Variants in LDLRAD3 observed in about 807,000 individuals in gnomAD.
LDLRAD3 encodes the protein low-density lipoprotein receptor class A domain-containing protein 3.
LDLRAD3 carries 20 observed loss-of-function variants against 29.4 expected under a neutral mutation model. The observed-to-expected ratio is 0.68, with a 90% CI of 0.48 to 0.99. LDLRAD3 has a LOEUF of 0.99. LDLRAD3 is among the 50% of genes least tolerant of loss of function. The probability of loss-of-function intolerance (pLI) is 0.00; values close to 1 mark genes in which losing one functional copy is unlikely to be tolerated. For synonymous variants in LDLRAD3, 157 were observed against 192.7 expected (o/e 0.81, Z 1.53); for missense variants, 420 against 454.3 (o/e 0.92, Z 0.69).
intron 4 of LDLRAD3, among the ~76,000 whole-genome samples, chr11:36,154,866 C>G (rs967241337): frequency 3.9e-5 from 6 of 152,180 alleles, no homozygotes; most frequent in Non-Finnish European, 8.8e-5. Context: ...CTCCCCTGGC[C>G]TCTACCACAA....
At chr11:36,145,578 G>A (rs1337043577) in intron 4 of LDLRAD3, among the ~76,000 whole-genome samples, 1 of 151,912 alleles carries the variant, frequency 6.6e-6, no homozygotes, top group East Asian at 2.0e-4. Flanking sequence ...GGAAAAGTGG[G>A]GAAAAGATTG....
At chr11:35,986,265 T>G (rs2133162222) in intron 1 of LDLRAD3, among the ~76,000 whole-genome samples, 1 of 152,296 alleles carries the variant, frequency 6.6e-6, no homozygotes, top group East Asian at 1.9e-4. Context: ...CCCGGATTGG[T>G]TAAAGGAGAG....
In LDLRAD3 at chr11:36,217,601, A is replaced by C. The variant is rs533204604; in HGVS notation, c.455-9484A>C. 7.2e-5 allele frequency among the ~76,000 whole-genome samples: 11 copies of C among 152,368 alleles called. No individual in the cohort carries two copies. The South Asian group carries it at 2.3e-3, about 32-fold the overall frequency. On this transcript the variant is annotated intron_variant, in intron 4 of 5. Transcript: ENST00000315571. Reference sequence around the variant, plus strand: ...GGTGTATTCGTTTGCTAGGGCTGCCATAACAAATGACCACAAACTTGGCTT... The same window carrying C: ...GGTGTATTCGTTTGCTAGGGCTGCCCTAACAAATGACCACAAACTTGGCTT...
intron 4 of LDLRAD3, among the ~76,000 whole-genome samples, chr11:36,189,111 G>T (rs1854900319): frequency 6.6e-6 from 1 of 151,990 alleles, no homozygotes; most frequent in Non-Finnish European, 1.5e-5. Flanking sequence ...TATAGAATTT[G>T]CAACCATCAC....
intron 4 of LDLRAD3, among the ~76,000 whole-genome samples, chr11:36,193,472 G>A (rs181919254): frequency 7.2e-5 from 11 of 152,222 alleles, no homozygotes; most frequent in East Asian, 1.9e-4. Flanking sequence ...AGCCCACTGC[G>A]GTTAGAAGAT....
At chr11:36,206,880 A>G (rs1307899432) in intron 4 of LDLRAD3, among the ~76,000 whole-genome samples, 1 of 151,782 alleles carries the variant, frequency 6.6e-6, no homozygotes, top group Non-Finnish European at 1.5e-5. Flanking sequence ...CGCCCCCGCC[A>G]CCAAGCCCGG....
chr11:36,190,759 C>G (rs1854928842), intron 4 of LDLRAD3, among the ~76,000 whole-genome samples: 1 of 152,052 alleles, frequency 6.6e-6, no homozygotes, highest in Non-Finnish European at 1.5e-5. Flanking sequence ...GTAAACCACA[C>G]CAAACACATC....
At chr11:36,033,697 C>T (rs995491025) in intron 1 of LDLRAD3, among the ~76,000 whole-genome samples, 1 of 152,258 alleles carries the variant, frequency 6.6e-6, no homozygotes, top group East Asian at 1.9e-4. Flanking sequence ...TGGGGGTTTT[C>T]TGGGTTGAGC....
At chr11:36,185,714 T>G (rs7110901) in intron 4 of LDLRAD3, among the ~76,000 whole-genome samples, 132,516 of 152,184 alleles carry the variant, frequency 0.87, 57,804 homozygotes, top group East Asian at 0.97. Context: ...ATTATTGCTC[T>G]CCCTTCACTC....
intron 1 of LDLRAD3, among the ~76,000 whole-genome samples, chr11:35,948,437 CGTGTGTGTGTGT>C (rs140009978): frequency 3.4e-5 from 5 of 147,298 alleles, no homozygotes; most frequent in African/African-American, 9.9e-5. Context: ...GTTGGCTGAT[CGTGTGTGTGTGT>C]GTGTGTGTGT....
intron 2 of LDLRAD3, among the ~76,000 whole-genome samples, chr11:36,074,574 G>T (rs1852963452): frequency 6.6e-6 from 1 of 152,200 alleles, no homozygotes; most frequent in Non-Finnish European, 1.5e-5. Flanking sequence ...AGAAAGCCTG[G>T]AATTGGAGAG....
intron 4 of LDLRAD3, among the ~76,000 whole-genome samples, chr11:36,205,764 A>C (rs1855197907): frequency 6.6e-6 from 1 of 152,120 alleles, no homozygotes; most frequent in African/African-American, 2.4e-5. Flanking sequence ...TATCTCCCTC[A>C]TTTGTGTGTT....
At position 36,166,868 on chromosome 11, in the gene LDLRAD3, G is replaced by T. The variant is rs145001044; in HGVS notation, c.455-60217G>T. On this transcript the variant is annotated intron_variant, in intron 4 of 5. Coordinates refer to ENST00000315571, the MANE Select transcript of LDLRAD3 (RefSeq NM_174902.4). ...ATTCCCAGGAGATGCCGCTGCTGCTGATCCAAGCACCATTTGAATAGCGAG... is the reference window on the plus strand; with the variant it reads ...ATTCCCAGGAGATGCCGCTGCTGCTTATCCAAGCACCATTTGAATAGCGAG... Among the ~76,000 whole-genome samples, 5 of 152,254 alleles carry T rather than the reference G, an allele frequency of 3.3e-5. No homozygotes were observed. The East Asian group carries it at 9.6e-4, about 29-fold the overall frequency.
chr11:36,105,240 A>T (rs56066837), intron 4 of LDLRAD3, among the ~76,000 whole-genome samples: 5,809 of 123,358 alleles, frequency 0.047, 273 homozygotes, highest in African/African-American at 0.16. Flanking sequence ...TGTGTGTGTG[A>T]GAGAGAGAGA....
chr11:35,965,227 C>A (rs10836475), intron 1 of LDLRAD3, among the ~76,000 whole-genome samples: 58,001 of 152,022 alleles, frequency 0.38, 11,143 homozygotes, highest in East Asian at 0.57. Flanking sequence ...TCATTATTTT[C>A]TAAAATAAAT....
At chr11:36,161,715 G>A (rs1854442922) in intron 4 of LDLRAD3, among the ~76,000 whole-genome samples, 1 of 152,150 alleles carries the variant, frequency 6.6e-6, no homozygotes, top group South Asian at 2.1e-4. Context: ...TCAGACCAGG[G>A]AAGTTTTATT....
intron 2 of LDLRAD3, among the ~76,000 whole-genome samples, chr11:36,079,549 T>C (rs1359306842): frequency 2.6e-5 from 4 of 152,168 alleles, no homozygotes; most frequent in Non-Finnish European, 5.9e-5. Context: ...TACAACTGGT[T>C]GGGGCTGATG....
At chr11:36,018,426 G>A (rs1852050782) in intron 1 of LDLRAD3, among the ~76,000 whole-genome samples, 1 of 152,042 alleles carries the variant, frequency 6.6e-6, no homozygotes, top group Non-Finnish European at 1.5e-5. Context: ...TAAAATCCAT[G>A]CATAATTTTT....
intron 4 of LDLRAD3, among the ~76,000 whole-genome samples, chr11:36,108,112 C>G (rs1853554847): frequency 6.6e-6 from 1 of 151,634 alleles, no homozygotes; most frequent in Non-Finnish European, 1.5e-5. Flanking sequence ...AGATCAAGAT[C>G]GAGACCATCC....
Sources: allele counts gnomAD v4.1 joint callset (sites outside exome capture counted in the v4.1 genomes callset), GRCh38; gene constraint gnomAD v4.1.1; transcripts MANE v1.5; gene names NCBI Gene and HGNC (gene_info 2026-07-23, HGNC 2026-07-21).